The following SPHK2 variants were observed in gnomAD, a reference collection of about 807,000 sequenced individuals.
SPHK2 encodes the protein sphingosine kinase 2.
SPHK2 carries 18 observed loss-of-function variants against 32.3 expected under a neutral mutation model. That is an observed-to-expected ratio of 0.56 (90% CI 0.39 to 0.83). The LOEUF is 0.83. Among genes scored for constraint, SPHK2 ranks in the 40% least tolerant of loss-of-function variants. SPHK2 has a pLI of 0.00. For missense variants in SPHK2, 850 were observed against 908.7 expected (o/e 0.94, Z 0.83); for synonymous variants, 462 against 417.6 (o/e 1.11, Z -1.30).
chr19:48,628,171 G>C lies in SPHK2; in HGVS notation c.766G>C (p.Gly256Arg). The C allele has an allele frequency of 1.2e-6, 2 of 1,613,236 alleles. No homozygotes were observed. Among genetic ancestry groups the C allele is most frequent in the Non-Finnish European group, 1.7e-6 (2 of 1,179,632 alleles). ...GDGLLHEVLN[G>R]LLDRPDWEEA... The stretch of plus-strand genomic sequence containing the variant: ...GTCTCCCACCCTCCAGGTGCTGAAC[G>C]GGCTCCTAGATCGCCCTGACTGGGA... The change falls in exon 6 of 7, where the codon GGG becomes CGG. Residue 256 changes from glycine to arginine, a missense_variant. Transcript: ENST00000245222. This position sits in a 1 kb window ranked among gnomAD's most constrained non-coding sequence, Gnocchi z 5.2.
chr19:48,620,442 C>A lies in SPHK2; in HGVS notation c.-73C>A. 1.4e-6 allele frequency: 2 copies of A among 1,404,250 alleles called. No homozygotes were observed. The highest frequency in any genetic ancestry group is 2.0e-6 in the Non-Finnish European group (2 of 1,004,458). 87.0% of individuals were successfully genotyped at this position (1,404,250 alleles called of 1,614,324 possible). ...CAGGACAGTGAGACCTGACTCCTTG[C>A]TCCTACCAGCCTACTATGGCTTAAG... On this transcript the variant is annotated 5_prime_UTR_variant, in exon 2 of 7. Transcript: ENST00000245222.
At chr19:48,621,149 G>A (rs1974391570) in intron 2 of SPHK2, among the ~76,000 whole-genome samples, 1 of 151,754 alleles carries the variant, frequency 6.6e-6, no homozygotes, top group Non-Finnish European at 1.5e-5. Context: ...GCACGATCTT[G>A]GCTCACTGCA....
rs1310479381 is a variant in SPHK2, at chr19:48,628,045, C to G, written c.732C>G (p.Val244=). 6.3e-7 allele frequency: 1 copy of G among 1,595,116 alleles called. No homozygotes were observed. The highest frequency in any genetic ancestry group is 1.3e-5 in the African/African-American group (1 of 74,580). The change falls in exon 5 of 7, where the codon GTC becomes GTG. Residue 244 remains valine, a synonymous_variant. Transcript: ENST00000245222. The surrounding 1 kb of genome is among the most constrained non-coding windows in gnomAD (Gnocchi z 5.2). ...SLSEWDGIVT[V]SGDGLLHEVL... ...GTGAGTGGGATGGCATCGTCACGGT[C>G]TCGGGAGACGGGCTGCTCCATGAGG...
chr19:48,624,999 C>T, intron 2 of SPHK2: 1 of 987,738 alleles, frequency 1.0e-6, no homozygotes, highest in Non-Finnish European at 1.2e-6. Context: ...GGGCAGAGGG[C>T]AGGGAGAGGG....
intron 3 of SPHK2, 108 bp from the exon 4 acceptor site, chr19:48,627,584 C>A: frequency 7.4e-7 from 1 of 1,358,056 alleles, no homozygotes; most frequent in South Asian, 1.5e-5. Context: ...GCCAGCAGGT[C>A]CCAGGGGCCA....
At chr19:48,626,499 G>A (rs952378111) in intron 3 of SPHK2, 137 bp downstream of exon 3, 34 of 1,142,904 alleles carry the variant, frequency 3.0e-5, no homozygotes, top group Non-Finnish European at 4.0e-5. Flanking sequence ...GTGATACACA[G>A]GGATGGGCTA....
chr19:48,630,095 G>A lies in SPHK2; in HGVS notation c.*322G>A. The A allele has an allele frequency of 2.4e-6, 3 of 1,274,298 alleles. No homozygotes were observed. Among genetic ancestry groups the A allele is most frequent in the East Asian group, 3.0e-5 (1 of 32,898 alleles). The allele number at this position is 1,274,298 out of a possible 1,614,324, so 78.9% of individuals were successfully genotyped here. A position where few individuals can be genotyped will look rare whatever the true frequency, so the allele number is the denominator to read the frequency against. ...CTACCCGGCCAGGATGGCTGAGGGC[G>A]GAGTCTATTTTACGCGTCGCCCAAT... On this transcript the variant is annotated 3_prime_UTR_variant, in exon 7 of 7. Coordinates refer to ENST00000245222, the MANE Select transcript of SPHK2 (RefSeq NM_020126.5). The surrounding 1 kb of genome is among the most constrained non-coding windows in gnomAD (Gnocchi z 4.9).
At chr19:48,627,567 C>A in intron 3 of SPHK2, 125 bp from the exon 4 acceptor site, 2 of 1,197,588 alleles carry the variant, frequency 1.7e-6, no homozygotes, top group Non-Finnish European at 1.2e-6. Context: ...GGCCTGGCCA[C>A]ATGAGAGCCA....
At chr19:48,624,878 G>A (rs1295781340) in intron 2 of SPHK2, 5 of 980,096 alleles carry the variant, frequency 5.1e-6, no homozygotes, top group Non-Finnish European at 6.1e-6. Context: ...GCGGTGGGGG[G>A]TGGGGGGCTG....
In SPHK2 at chr19:48,626,236, C is replaced by G. The variant is rs759889365; in HGVS notation, c.385C>G (p.Arg129Gly). 1.3e-6 allele frequency: 2 copies of G among 1,595,870 alleles called. No individual in the cohort carries two copies. Among genetic ancestry groups the G allele is most frequent in the African/African-American group, 1.3e-5 (1 of 74,880 alleles). ...TYPRGRRGAR[R>G]RATRTFRADG... is the part of the protein sequence containing the mutation. ...CCCTCGGGGCCGGCGCGGGGCCCGG[C>G]GCAGAGCCACTCGCACCTTCCGGGC... The change falls in exon 3 of 7, where the codon CGC becomes GGC. Residue 129 changes from arginine (R) to glycine (G), a missense_variant. Physicochemically the swap from Arg to Gly is moderately radical, Grantham distance 125. This residue lies in a region of SPHK2 where 544 missense variants were observed against 640.0 expected (regional missense o/e 0.85). Transcript: ENST00000245222.
At chr19:48,625,026 C>T (rs552932859) in intron 2 of SPHK2, 44 of 988,496 alleles carry the variant, frequency 4.5e-5, no homozygotes, top group African/African-American at 7.0e-5. Context: ...GGGAAGGGAC[C>T]TCAGTCCTGC....
At position 48,628,066 on chromosome 19, in the gene SPHK2, T is replaced by C; in HGVS notation, c.753T>C (p.His251=). The C allele has an allele frequency of 3.1e-6, 5 of 1,587,426 alleles. No homozygotes were observed. Among genetic ancestry groups the C allele is most frequent in the African/African-American group, 2.7e-5 (2 of 74,300 alleles). The change falls in exon 5 of 7, where the codon CAT becomes CAC. Residue 251 remains histidine (H), a synonymous_variant. Transcript: ENST00000245222. This position sits in a 1 kb window ranked among gnomAD's most constrained non-coding sequence, Gnocchi z 5.2. ...CGGTCTCGGGAGACGGGCTGCTCCA[T>C]GAGGTAGAGCAGGAGCACCCTGCCC... is the stretch of plus-strand genomic sequence containing the variant. ...IVTVSGDGLL[H]EVLNGLLDRP...
chr19:48,622,757 C>CTTTT lies in SPHK2; in HGVS notation c.39+2227_39+2230dup, dbSNP rs779108312. The stretch of plus-strand genomic sequence containing the variant: ...CAAACTTCTTCCTACATTTGTCTCT[C>CTTTT]TTTTTTTTTTTTTTTTTTTTTTTTT... On this transcript the variant is annotated intron_variant, in intron 2 of 6. Coordinates refer to ENST00000245222, the MANE Select transcript of SPHK2 (RefSeq NM_020126.5). Among the ~76,000 whole-genome samples the CTTTT allele has an allele frequency of 1.5e-4, 16 of 108,544 alleles. 1 individual carries two copies. Among genetic ancestry groups the CTTTT allele is most frequent in the South Asian group, 3.1e-4 (1 of 3,226 alleles). 71.2% of individuals were successfully genotyped at this position (108,544 alleles called of 152,430 possible).
At chr19:48,620,009 A>G (rs1316314352) in intron 1 of SPHK2, among the ~76,000 whole-genome samples, 1 of 152,090 alleles carries the variant, frequency 6.6e-6, no homozygotes, top group Admixed American at 6.5e-5. Context: ...CTAGTTACTA[A>G]TGGGGTGATT....
rs987298933 is a variant in SPHK2, at chr19:48,630,030, T to C, written c.*257T>C. The C allele has an allele frequency of 2.2e-6, 3 of 1,340,930 alleles. No homozygotes were observed. The highest frequency in any genetic ancestry group is 2.9e-6 in the Non-Finnish European group (3 of 1,048,136). The allele number at this position is 1,340,930 out of a possible 1,614,324, so 83.1% of individuals were successfully genotyped here. A position where few individuals can be genotyped will look rare whatever the true frequency, so the allele number is the denominator to read the frequency against. On this transcript the variant is annotated 3_prime_UTR_variant, in exon 7 of 7. Transcript: ENST00000245222. The surrounding 1 kb of genome is among the most constrained non-coding windows in gnomAD (Gnocchi z 4.9). Reference sequence around the variant, plus strand: ...CCTGGCGTCTGATCTGGGGCCGCCCTTACGGGGCAGGGCTCAGTCCTGACG... The same window carrying C: ...CCTGGCGTCTGATCTGGGGCCGCCCCTACGGGGCAGGGCTCAGTCCTGACG...
At chr19:48,622,757 CTTTTTTTTTTTTTTT>C (rs779108312) in intron 2 of SPHK2, among the ~76,000 whole-genome samples, 7 of 108,546 alleles carry the variant, frequency 6.4e-5, no homozygotes, top group Admixed American at 1.1e-4. Context: ...ATTTGTCTCT[CTTTTTTTTTTTTTTT>C]TTTTTTTTTT....
chr19:48,630,276 T>C lies in SPHK2; in HGVS notation c.*503T>C, dbSNP rs981113032. The C allele has an allele frequency of 7.0e-6, 9 of 1,294,640 alleles. No individual in the cohort carries two copies. The South Asian group carries it at 1.8e-4, about 25-fold the overall frequency. 80.2% of individuals were successfully genotyped at this position (1,294,640 alleles called of 1,614,324 possible). A position where few individuals can be genotyped will look rare whatever the true frequency, so the allele number is the denominator to read the frequency against. ...GGGCCGGCGCTAGGATTTGCACTAATGTTCCTCTCCCCGCGGGTGGGGGCG... is the reference window on the plus strand; with the variant it reads ...GGGCCGGCGCTAGGATTTGCACTAACGTTCCTCTCCCCGCGGGTGGGGGCG... On this transcript the variant is annotated 3_prime_UTR_variant, in exon 7 of 7. Coordinates refer to ENST00000245222, the MANE Select transcript of SPHK2 (RefSeq NM_020126.5). This position sits in a 1 kb window ranked among gnomAD's most constrained non-coding sequence, Gnocchi z 4.9.
At chr19:48,619,952 G>A (rs542323928) in intron 1 of SPHK2, among the ~76,000 whole-genome samples, 1 of 152,264 alleles carries the variant, frequency 6.6e-6, no homozygotes, top group South Asian at 2.1e-4. Flanking sequence ...GAAAGATGGT[G>A]AGATGGGGCC....
At chr19:48,625,862 C>A in intron 2 of SPHK2, 29 bp from the exon 3 acceptor site, 8 of 1,604,918 alleles carry the variant, frequency 5.0e-6, no homozygotes, top group Non-Finnish European at 6.8e-6. Context: ...GTCCTGAATT[C>A]TCACCCCTTC....
Sources: allele counts gnomAD v4.1 joint callset (sites outside exome capture counted in the v4.1 genomes callset), GRCh38; gene constraint gnomAD v4.1.1; regional missense constraint gnomAD v4.1.1; non-coding constraint Gnocchi (gnomAD v3.1); transcripts MANE v1.5; gene names NCBI Gene and HGNC (gene_info 2026-07-23, HGNC 2026-07-21).